CENPP: variants seen among roughly 807,000 people sequenced by gnomAD.
CENPP encodes the protein centromere protein P.
A neutral mutation model predicts 35.6 loss-of-function variants in CENPP; 24 were observed. The observed-to-expected ratio is 0.67, with a 90% CI of 0.49 to 0.95. The LOEUF (loss-of-function observed/expected upper bound fraction) is 0.95. Ranked by LOEUF, CENPP falls within the 40% of genes least tolerant of loss-of-function variation. The probability of loss-of-function intolerance (pLI) is 0.00; values close to 1 mark genes in which losing one functional copy is unlikely to be tolerated. For missense variants in CENPP, 332 were observed against 345.3 expected (o/e 0.96, Z 0.31); for synonymous variants, 120 against 125.5 (o/e 0.96, Z 0.29).
At chr9:92,457,537 G>C in intron 5 of CENPP, 1 of 1,325,466 alleles carries the variant, frequency 7.5e-7, no homozygotes. Context: ...AAATGTAAAC[G>C]GAAGATACTC....
chr9:92,389,272 G>C (rs1441135217), intron 5 of CENPP, among the ~76,000 whole-genome samples: 1 of 152,138 alleles, frequency 6.6e-6, no homozygotes, highest in Non-Finnish European at 1.5e-5. Context: ...TACCTAAACC[G>C]AAGTAGATTA....
intron 3 of CENPP, among the ~76,000 whole-genome samples, chr9:92,343,553 C>T (rs768087253): frequency 2.0e-5 from 3 of 152,080 alleles, no homozygotes; most frequent in Non-Finnish European, 2.9e-5. Flanking sequence ...AATACAATTC[C>T]ATTATCACAG....
chr9:92,615,042 C>T lies in CENPP; in HGVS notation c.*1893C>T, dbSNP rs1373589661. 1.3e-5 allele frequency: 2 copies of T among 152,278 alleles called. No individual in the cohort carries two copies. 9.4% of individuals were successfully genotyped at this position (152,278 alleles called of 1,614,324 possible). ...AGCTGTTGGGGCACACTGCCCAGCC[C>T]GGCCACAGCAGCTCAGCCAGTCACA... On this transcript the variant is annotated 3_prime_UTR_variant, in exon 8 of 8. Coordinates refer to ENST00000375587, the MANE Select transcript of CENPP (RefSeq NM_001012267.3).
At chr9:92,601,447 G>A (rs759545836) in intron 5 of CENPP, among the ~76,000 whole-genome samples, 2 of 152,162 alleles carry the variant, frequency 1.3e-5, no homozygotes, top group Non-Finnish European at 2.9e-5. Flanking sequence ...TACTTCAAAT[G>A]ATTGTGATGA....
At chr9:92,525,839 G>C (rs1298142051) in intron 5 of CENPP, among the ~76,000 whole-genome samples, 1 of 144,236 alleles carries the variant, frequency 6.9e-6, no homozygotes, top group Non-Finnish European at 1.5e-5. Context: ...GCACTGAGTA[G>C]CTAGGACTAC....
chr9:92,376,090 G>T (rs1220707853), intron 4 of CENPP, among the ~76,000 whole-genome samples: 2 of 152,162 alleles, frequency 1.3e-5, no homozygotes, highest in African/African-American at 2.4e-5. Context: ...TTAGCCTAGA[G>T]ATTAGCCAGA....
At chr9:92,512,276 C>T (rs1234107480) in intron 5 of CENPP, 1 of 463,956 alleles carries the variant, frequency 2.2e-6, no homozygotes, top group Non-Finnish European at 3.9e-6. Flanking sequence ...TATTATATAA[C>T]CAAAGCATGT....
intron 1 of CENPP, among the ~76,000 whole-genome samples, chr9:92,327,696 C>T (rs1840606205): frequency 6.6e-6 from 1 of 152,184 alleles, no homozygotes; most frequent in Non-Finnish European, 1.5e-5. Flanking sequence ...TTTTTGAAAT[C>T]ATTCTCTTGT....
At chr9:92,437,346 A>G (rs1844270973) in intron 5 of CENPP, among the ~76,000 whole-genome samples, 1 of 152,010 alleles carries the variant, frequency 6.6e-6, no homozygotes, top group Admixed American at 6.6e-5. Context: ...TCCTTTATCA[A>G]ATATATAGCT....
chr9:92,388,690 G>A (rs1273869694), intron 5 of CENPP, among the ~76,000 whole-genome samples: 1 of 151,806 alleles, frequency 6.6e-6, no homozygotes, highest in Admixed American at 6.6e-5. Flanking sequence ...AAATTAGCCG[G>A]GCGTGGTGGT....
At chr9:92,352,607 G>A (rs1192614576) in intron 4 of CENPP, among the ~76,000 whole-genome samples, 6 of 145,840 alleles carry the variant, frequency 4.1e-5, no homozygotes, top group African/African-American at 1.6e-4. Flanking sequence ...CCGTCTGCAG[G>A]CTGAGGAGCA....
Position 92,615,739 on chromosome 9 carries a change from T to C in CENPP, c.*2590T>C. On this transcript the variant is annotated 3_prime_UTR_variant, in exon 8 of 8. Transcript: ENST00000375587. ...CAAAAGGGGTTAAAAGCAAAAACATTCACAACCAAAGGTCACCCAACACAA... is the reference window on the plus strand; with the variant it reads ...CAAAAGGGGTTAAAAGCAAAAACATCCACAACCAAAGGTCACCCAACACAA... 9.3e-7 allele frequency: 1 copy of C among 1,075,892 alleles called. No homozygotes were observed. The highest frequency in any genetic ancestry group is 2.0e-5 in the Admixed American group (1 of 49,382). The allele number at this position is 1,075,892 out of a possible 1,614,324, so 66.6% of individuals were successfully genotyped here. A position where few individuals can be genotyped will look rare whatever the true frequency, so the allele number is the denominator to read the frequency against.
Position 92,619,825 on chromosome 9 carries a change from A to C in CENPP, c.*6676A>C. 2 of 509,536 alleles carry C rather than the reference A, an allele frequency of 3.9e-6. No homozygotes were observed. The highest frequency in any genetic ancestry group is 3.2e-5 in the East Asian group (1 of 30,782). 31.6% of individuals were successfully genotyped at this position (509,536 alleles called of 1,614,324 possible). A position where few individuals can be genotyped will look rare whatever the true frequency, so the allele number is the denominator to read the frequency against. ...TCACGGCAAGCAGTGTGGGACCCCG[A>C]CTCCAGACCCTGAGACGGATGATCT... is the stretch of plus-strand genomic sequence containing the variant. On this transcript the variant is annotated 3_prime_UTR_variant, in exon 8 of 8. Transcript: ENST00000375587.
chr9:92,489,076 AT>A (rs752620239), intron 5 of CENPP, among the ~76,000 whole-genome samples: 6 of 152,224 alleles, frequency 3.9e-5, no homozygotes, highest in Non-Finnish European at 7.3e-5. Context: ...AGTTTAGAAC[AT>A]TTATTCCTTT....
chr9:92,430,838 C>T (rs1368163272), intron 5 of CENPP, among the ~76,000 whole-genome samples: 1 of 152,112 alleles, frequency 6.6e-6, no homozygotes, highest in African/African-American at 2.4e-5. Context: ...GCTCTGTCAC[C>T]AGGCTGGAGT....
intron 5 of CENPP, chr9:92,385,511 A>G: frequency 1.1e-6 from 1 of 939,066 alleles, no homozygotes; most frequent in South Asian, 1.9e-5. Flanking sequence ...AATTCCTTCA[A>G]AATGAGATAC....
chr9:92,590,034 A>G (rs1423427438), intron 5 of CENPP, among the ~76,000 whole-genome samples: 2 of 152,196 alleles, frequency 1.3e-5, no homozygotes, highest in African/African-American at 2.4e-5. Flanking sequence ...GCCCCACTTT[A>G]TAACAACATC....
Position 92,464,783 on chromosome 9 carries a change from G to C in CENPP, c.564+84924G>C, listed in dbSNP as rs565075616. On this transcript the variant is annotated intron_variant, in intron 5 of 7. Transcript: ENST00000375587. ...ACATATGGCATTTTATGTGTGTGTA[G>C]ACTATATTGACCAGATTTACTGGTG... is the stretch of plus-strand genomic sequence containing the variant. The C allele has an allele frequency of 8.8e-4, 654 of 746,314 alleles. 2 individuals are homozygous for C. Among genetic ancestry groups the C allele is most frequent in the Non-Finnish European group, 1.3e-3 (556 of 416,098 alleles). 46.2% of individuals were successfully genotyped at this position (746,314 alleles called of 1,614,324 possible).
chr9:92,575,541 C>T lies in CENPP; in HGVS notation c.565-35773C>T, dbSNP rs140121887. Among the ~76,000 whole-genome samples the T allele has an allele frequency of 6.7e-3, 1,020 of 152,148 alleles. 10 individuals are homozygous for T. The highest frequency in any genetic ancestry group is 0.023 in the African/African-American group (973 of 41,530). ...GAATGTCTCCTATCCAGGCTGGGCG[C>T]GGTGGCTCACGCCTGTAATCTCAGC... On this transcript the variant is annotated intron_variant, in intron 5 of 7. Coordinates refer to ENST00000375587, the MANE Select transcript of CENPP (RefSeq NM_001012267.3).
Sources: allele counts gnomAD v4.1 joint callset (sites outside exome capture counted in the v4.1 genomes callset), GRCh38; gene constraint gnomAD v4.1.1; transcripts MANE v1.5; gene names NCBI Gene and HGNC (gene_info 2026-07-23, HGNC 2026-07-21).